MYRIP: variants seen among roughly 807,000 people sequenced by gnomAD.
MYRIP encodes the protein myosin VIIA and Rab interacting protein.
Under a neutral mutation model 98.0 loss-of-function variants are expected in MYRIP, and 49 were observed. The observed-to-expected ratio is 0.50, with a 90% CI of 0.40 to 0.63. The LOEUF is 0.63. MYRIP is among the 30% of genes least tolerant of loss of function. MYRIP has a pLI of 0.00. For synonymous variants in MYRIP, 404 were observed against 409.5 expected, an observed-to-expected ratio of 0.99 and a Z score of 0.16; for missense variants, 1,004 against 1,058.2, an observed-to-expected ratio of 0.95 and a Z score of 0.71.
intron 2 of MYRIP, among the ~76,000 whole-genome samples, chr3:40,022,056 G>T (rs1178488821): frequency 6.6e-6 from 1 of 152,200 alleles, no homozygotes; most frequent in Non-Finnish European, 1.5e-5. Flanking sequence ...TTTTTACAGT[G>T]TTAGAAGCCT....
At chr3:39,873,254 G>C (rs1175933882) in intron 1 of MYRIP, among the ~76,000 whole-genome samples, 1 of 152,106 alleles carries the variant, frequency 6.6e-6, no homozygotes, top group Non-Finnish European at 1.5e-5. Context: ...TGTCAGATGA[G>C]TAGGTTGTGA....
intron 13 of MYRIP, among the ~76,000 whole-genome samples, chr3:40,245,905 C>G (rs1282167472): frequency 7.1e-6 from 1 of 141,442 alleles, no homozygotes; most frequent in African/African-American, 2.8e-5. Context: ...CGCCACCACA[C>G]CCAGCTAATT....
chr3:39,862,325 G>A (rs950399534), intron 1 of MYRIP, among the ~76,000 whole-genome samples: 1 of 152,132 alleles, frequency 6.6e-6, no homozygotes, highest in Non-Finnish European at 1.5e-5. Context: ...ATTATAAGAG[G>A]TCCTGAAGGG....
At position 40,249,884 on chromosome 3, in the gene MYRIP, C is replaced by T. The variant is rs114588872; in HGVS notation, c.2263-338C>T. Among the ~76,000 whole-genome samples, 638 of 152,282 alleles carry T rather than the reference C, an allele frequency of 4.2e-3. 2 individuals are homozygous for T. Among genetic ancestry groups the T allele is most frequent in the Non-Finnish European group, 7.7e-3 (523 of 68,014 alleles). ...ACAGGACATATAAATCCTATGACTTCCCTGACCACTTCTCACCCCCATGCT... is the reference window on the plus strand; with the variant it reads ...ACAGGACATATAAATCCTATGACTTTCCTGACCACTTCTCACCCCCATGCT... On this transcript the variant is annotated intron_variant, in intron 13 of 16. Coordinates refer to ENST00000302541, the MANE Select transcript of MYRIP (RefSeq NM_015460.4).
chr3:39,984,193 G>GTTTAT (rs71288070), intron 2 of MYRIP, among the ~76,000 whole-genome samples: 21,294 of 145,530 alleles, frequency 0.15, 2,093 homozygotes, highest in African/African-American at 0.28. Context: ...TGTAAGGAAA[G>GTTTAT]TTTATTTTAT....
intron 11 of MYRIP, among the ~76,000 whole-genome samples, chr3:40,211,331 C>T (rs575751011): frequency 6.6e-6 from 1 of 152,308 alleles, no homozygotes; most frequent in Admixed American, 6.5e-5. Flanking sequence ...AAGGAGCTGC[C>T]TTCATCTGCC....
At chr3:39,980,261 A>G (rs1945857625) in intron 2 of MYRIP, among the ~76,000 whole-genome samples, 1 of 152,192 alleles carries the variant, frequency 6.6e-6, no homozygotes, top group Non-Finnish European at 1.5e-5. Flanking sequence ...CATTAATTGT[A>G]CAACAGACTT....
At chr3:40,160,737 G>A (rs1950371542) in intron 4 of MYRIP, among the ~76,000 whole-genome samples, 1 of 152,202 alleles carries the variant, frequency 6.6e-6, no homozygotes, top group Admixed American at 6.5e-5. Context: ...GCAGTATTCG[G>A]GTGGGAGTGA....
chr3:39,840,223 A>G (rs1267656788), intron 1 of MYRIP, among the ~76,000 whole-genome samples: 3 of 152,198 alleles, frequency 2.0e-5, no homozygotes, highest in African/African-American at 4.8e-5. Flanking sequence ...TACATTATGT[A>G]ATACCTTTCC....
intron 4 of MYRIP, among the ~76,000 whole-genome samples, chr3:40,159,883 G>C (rs1462639499): frequency 2.0e-5 from 3 of 152,160 alleles, no homozygotes; most frequent in South Asian, 2.1e-4. Context: ...AGTTATTCTA[G>C]TTATACATTC....
chr3:40,245,158 G>A (rs749632212), intron 13 of MYRIP, among the ~76,000 whole-genome samples: 62 of 152,324 alleles, frequency 4.1e-4, no homozygotes, highest in Non-Finnish European at 5.4e-4. Flanking sequence ...ATGAGGAACA[G>A]GGAGGATTTA....
intron 3 of MYRIP, among the ~76,000 whole-genome samples, chr3:40,129,512 T>A (rs1001972657): frequency 1.4e-5 from 2 of 140,166 alleles, no homozygotes. Flanking sequence ...CTAATTTTGC[T>A]ACACATGGGA....
At chr3:40,181,044 G>A (rs1950871686) in intron 8 of MYRIP, among the ~76,000 whole-genome samples, 1 of 152,150 alleles carries the variant, frequency 6.6e-6, no homozygotes, top group Non-Finnish European at 1.5e-5. Context: ...AAAGCTCAGT[G>A]TTGTCACCCA....
At chr3:39,957,002 A>C (rs1380686074) in intron 2 of MYRIP, among the ~76,000 whole-genome samples, 1 of 151,836 alleles carries the variant, frequency 6.6e-6, no homozygotes, top group Non-Finnish European at 1.5e-5. Flanking sequence ...CCCTGAATAG[A>C]CCAATAACAG....
intron 3 of MYRIP, among the ~76,000 whole-genome samples, chr3:40,148,745 T>C (rs930910450): frequency 1.3e-5 from 2 of 152,238 alleles, no homozygotes; most frequent in Non-Finnish European, 2.9e-5. Context: ...TTGACTCTTT[T>C]TTCTTTCTTC....
intron 11 of MYRIP, among the ~76,000 whole-genome samples, chr3:40,220,339 AT>A (rs1277647436): frequency 1.3e-5 from 2 of 152,098 alleles, no homozygotes; most frequent in Non-Finnish European, 2.9e-5. Flanking sequence ...GTTTAGTTTA[AT>A]TAGATCCCAT....
intron 10 of MYRIP, among the ~76,000 whole-genome samples, chr3:40,199,565 G>T (rs1951494668): frequency 6.6e-6 from 1 of 152,132 alleles, no homozygotes; most frequent in South Asian, 2.1e-4. Context: ...GAACACTGGG[G>T]CTCCAGAAGG....
chr3:39,897,000 C>T lies in MYRIP; in HGVS notation c.-30-3787C>T, dbSNP rs181767120. Among the ~76,000 whole-genome samples, 18 of 152,258 alleles carry T rather than the reference C, an allele frequency of 1.2e-4. No individual in the cohort carries two copies. The East Asian group carries it at 3.5e-3, about 29-fold the overall frequency. ...GGTCTCCTAGCTTTAAAGTTGCATC[C>T]ATCATCAGCTTCTTCTGAAGCTCAT... On this transcript the variant is annotated intron_variant, in intron 1 of 16. Transcript: ENST00000302541.
In MYRIP at chr3:40,234,029, G is replaced by A. The variant is rs770338864; in HGVS notation, c.2076G>A (p.Glu692=). Residue 692 remains glutamate, a synonymous_variant, in exon 12 of 17, where the codon GAG becomes GAA. Coordinates refer to ENST00000302541, the MANE Select transcript of MYRIP (RefSeq NM_015460.4). ...PRGTDQVRLD[E]QLTSLEENVY... Reference sequence around the variant, plus strand: ...GGACAGACCAAGTGAGACTGGATGAGCAGCTGACTTCCCTGGAAGAAAATG... The same window carrying A: ...GGACAGACCAAGTGAGACTGGATGAACAGCTGACTTCCCTGGAAGAAAATG... The A allele has an allele frequency of 2.5e-6, 4 of 1,605,894 alleles. No homozygotes were observed. The East Asian group carries it at 8.9e-5, about 36-fold the overall frequency.
Sources: gnomAD v4.1 joint callset for allele counts (sites outside exome capture counted in the v4.1 genomes callset) on GRCh38, gnomAD v4.1.1 for gene constraint, MANE v1.5 for transcripts, NCBI Gene and HGNC (gene_info 2026-07-23, HGNC 2026-07-21) for gene names.